TMEM114: variants seen among roughly 807,000 people sequenced by gnomAD.
TMEM114 encodes claudin-26.
TMEM114 carries 6 observed loss-of-function variants against 6.2 expected under a neutral mutation model. The observed-to-expected ratio is 0.97, with a 90% confidence interval of 0.53 to 1.91. TMEM114 has a LOEUF of 1.91. Ranked by LOEUF, TMEM114 falls within the 40% of genes most tolerant of loss-of-function variation. TMEM114 has a pLI of 0.01. For missense variants in TMEM114, 218 were observed against 158.3 expected, an observed-to-expected ratio of 1.38 and a Z score of -2.02; for synonymous variants, 104 against 73.0, an observed-to-expected ratio of 1.42 and a Z score of -2.16.
In TMEM114 at chr16:8,589,959, G is replaced by C; in HGVS notation, c.-121C>G. The C allele has an allele frequency of 5.2e-6, 2 of 387,088 alleles. No homozygotes were observed. Among genetic ancestry groups the C allele is most frequent in the Non-Finnish European group, 9.1e-6 (2 of 219,188 alleles). 24.0% of individuals were successfully genotyped at this position (387,088 alleles called of 1,614,324 possible). A position where few individuals can be genotyped will look rare whatever the true frequency, so the allele number is the denominator to read the frequency against. On this transcript the variant is annotated 5_prime_UTR_variant, in exon 1 of 4. Transcript: ENST00000620492. ...GCTCCACCGCCGCCAGAGCCGCGGA[G>C]CTCAGATCTGAAAGCCTTTCCTTTG...
At chr16:8,563,701 G>GTGAATGAGTGAGTGAA (rs1567203172) in intron 2 of TMEM114, among the ~76,000 whole-genome samples, 3 of 148,744 alleles carry the variant, frequency 2.0e-5, no homozygotes, top group Admixed American at 1.3e-4. Flanking sequence ...GAGTGAGTTA[G>GTGAATGAGTGAGTGAA]TGAATGAGTG....
At chr16:8,554,443 C>G (rs1166881192) in intron 2 of TMEM114, among the ~76,000 whole-genome samples, 2 of 152,144 alleles carry the variant, frequency 1.3e-5, no homozygotes, top group East Asian at 1.9e-4. Context: ...CCATTGCTGA[C>G]CAGAGAGAGA....
At chr16:8,533,732 T>C (rs555394466), downstream of TMEM114, among the ~76,000 whole-genome samples, 2 of 152,358 alleles carry the variant, frequency 1.3e-5, no homozygotes, top group Non-Finnish European at 2.9e-5. Context: ...TTACCTTGAA[T>C]GTTACATTGG....
rs138989045 is a variant in TMEM114 at position 8,575,112 on chromosome 16, A to C, written c.302-2888T>G. Among the ~76,000 whole-genome samples the C allele has an allele frequency of 6.2e-3, 944 of 152,268 alleles. 10 individuals carry two copies. Among genetic ancestry groups the C allele is most frequent in the African/African-American group, 0.022 (898 of 41,542 alleles). ...TTTGTGGGGGCTGGGTTACTTGGGA[A>C]GTGGTGGATATGTAGTTTCAGAGTG... On this transcript the variant is annotated intron_variant, in intron 2 of 3. Coordinates refer to ENST00000620492, the MANE Select transcript of TMEM114 (RefSeq NM_001146336.2).
At chr16:8,587,882 GCT>G (rs1902363634) in intron 2 of TMEM114, among the ~76,000 whole-genome samples, 2 of 151,682 alleles carry the variant, frequency 1.3e-5, no homozygotes, top group African/African-American at 4.9e-5. Flanking sequence ...AGGCACAGTG[GCT>G]CACACCTGAA....
chr16:8,542,877 T>C (rs1303785116), intron 2 of TMEM114, among the ~76,000 whole-genome samples: 2 of 152,160 alleles, frequency 1.3e-5, no homozygotes, highest in East Asian at 1.9e-4. Flanking sequence ...TTAGGCCAGA[T>C]TGAAATGCCA....
downstream of TMEM114, among the ~76,000 whole-genome samples, chr16:8,565,470 G>A (rs115494800): frequency 2.0e-4 from 30 of 152,254 alleles, no homozygotes; most frequent in African/African-American, 6.5e-4. Flanking sequence ...TGGACCTGAG[G>A]GGACAAATCG....
intron 2 of TMEM114, among the ~76,000 whole-genome samples, chr16:8,560,066 A>T (rs1301934665): frequency 1.3e-5 from 2 of 152,080 alleles, no homozygotes; most frequent in Non-Finnish European, 2.9e-5. Flanking sequence ...GTGCCATCAC[A>T]GCTCACTGCA....
chr16:8,530,278 AG>A, the TMEM114 span, among the ~76,000 whole-genome samples: 1,320 of 152,262 alleles, frequency 8.7e-3, 13 homozygotes, highest in Non-Finnish European at 0.014. Context: ...GGCATGATCA[AG>A]TCAATTGAGG....
intron 2 of TMEM114, among the ~76,000 whole-genome samples, chr16:8,559,418 A>T (rs1423091886): frequency 6.6e-6 from 1 of 152,162 alleles, no homozygotes; most frequent in East Asian, 1.9e-4. Context: ...TGGAGAAAAA[A>T]ACAATGGCTG....
At chr16:8,529,525 G>A in the TMEM114 span, among the ~76,000 whole-genome samples, 4 of 152,148 alleles carry the variant, frequency 2.6e-5, no homozygotes, top group Admixed American at 2.6e-4. Context: ...CAGCATCAGT[G>A]TCATCTGGGT....
chr16:8,539,732 A>G (rs1452269432), intron 2 of TMEM114, among the ~76,000 whole-genome samples: 5 of 152,212 alleles, frequency 3.3e-5, no homozygotes, highest in Non-Finnish European at 7.3e-5. Flanking sequence ...AGCAATATCC[A>G]GATTGTAACA....
chr16:8,542,268 C>T (rs775559218), intron 2 of TMEM114, among the ~76,000 whole-genome samples: 1 of 152,194 alleles, frequency 6.6e-6, no homozygotes, highest in Non-Finnish European at 1.5e-5. Context: ...GTGTCTAGAA[C>T]CTCTACTGAA....
rs574329491 is a variant in TMEM114, at chr16:8,570,369, G to T, written c.440-364C>A. ...CTCGCTCTGTCGCCCAGGCTGGAGT[G>T]CAGCGGTGCGATCTCAGCTTGCTGC... is the stretch of plus-strand genomic sequence containing the variant. On this transcript the variant is annotated intron_variant, in intron 3 of 3. Transcript: ENST00000620492. 3.3e-5 allele frequency among the ~76,000 whole-genome samples: 5 copies of T among 152,146 alleles called. No individual in the cohort carries two copies. The South Asian group carries it at 8.3e-4, about 25-fold the overall frequency.
At chr16:8,574,582 C>CTTCTTTCTTTCTTTCT (rs60193962) in intron 2 of TMEM114, among the ~76,000 whole-genome samples, 9,868 of 142,486 alleles carry the variant, frequency 0.069, 429 homozygotes, top group Middle Eastern at 0.16. Context: ...TCCTTCCTTC[C>CTTCTTTCTTTCTTTCT]TTCTTTCTTT....
intron 2 of TMEM114, among the ~76,000 whole-genome samples, chr16:8,578,988 A>C (rs963296655): frequency 6.6e-6 from 1 of 152,172 alleles, no homozygotes; most frequent in African/African-American, 2.4e-5. Context: ...CAAAAAAATA[A>C]AATAAAATAA....
chr16:8,530,488 T>C, the TMEM114 span, among the ~76,000 whole-genome samples: 1 of 151,444 alleles, frequency 6.6e-6, no homozygotes, highest in Non-Finnish European at 1.5e-5. Flanking sequence ...CAATAGCTAA[T>C]GTAGCCAATG....
At chr16:8,572,939 C>G (rs1475288632) in intron 2 of TMEM114, among the ~76,000 whole-genome samples, 1 of 152,162 alleles carries the variant, frequency 6.6e-6, no homozygotes, top group Non-Finnish European at 1.5e-5. Context: ...ATTTTGGGGA[C>G]AGCACTTGCT....
Position 8,541,053 on chromosome 16 carries a change from T to A in TMEM114, n.213-3227A>T, listed in dbSNP as rs1409154025. ...GAGTGAGGTGAGGCTGAGAGCGAAG[T>A]CTGGACCAGCCCCATGCAGGGTCTA... On this transcript the variant is annotated intron_variant and non_coding_transcript_variant, in intron 2 of 2. Transcript: ENST00000623677. 6.6e-5 allele frequency among the ~76,000 whole-genome samples: 8 copies of A among 120,484 alleles called. 1 individual carries two copies. The highest frequency in any genetic ancestry group is 6.5e-4 in the Admixed American group (8 of 12,386). The allele number at this position is 120,484 out of a possible 152,430, so 79.0% of individuals were successfully genotyped here. A position where few individuals can be genotyped will look rare whatever the true frequency, so the allele number is the denominator to read the frequency against.
Sources: gnomAD v4.1 joint callset for allele counts (sites outside exome capture counted in the v4.1 genomes callset) on GRCh38, gnomAD v4.1.1 for gene constraint, MANE v1.5 for transcripts, NCBI Gene and HGNC (gene_info 2026-07-23, HGNC 2026-07-21) for gene names.